GNAT2: variants seen among roughly 807,000 people sequenced by gnomAD.
GNAT2 encodes G protein subunit alpha transducin 2, also known as guanine nucleotide-binding protein G(t) subunit alpha-2.
A neutral mutation model predicts 40.9 loss-of-function variants in GNAT2; 32 were observed. The observed-to-expected ratio is 0.78, with a 90% CI of 0.59 to 1.05. The LOEUF (loss-of-function observed/expected upper bound fraction) is 1.05, where lower values mean the gene tolerates loss of function less well. Among genes scored for constraint, GNAT2 ranks in the 50% least tolerant of loss-of-function variants. The pLI is 0.00. For synonymous variants in GNAT2, 141 were observed against 157.2 expected, an observed-to-expected ratio of 0.90 and a Z score of 0.77; for missense variants, 355 against 431.5, an observed-to-expected ratio of 0.82 and a Z score of 1.57.
At position 109,612,820 on chromosome 1, in the gene GNAT2, C is replaced by A. The variant is rs760450896; in HGVS notation, c.51G>T (p.Lys17Asn). 18 of 1,613,654 alleles carry A rather than the reference C, an allele frequency of 1.1e-5. No homozygotes were observed. The highest frequency in any genetic ancestry group is 1.2e-5 in the Non-Finnish European group (14 of 1,179,692). Residue 17 changes from lysine (K) to asparagine (N), a missense_variant, in exon 2 of 9, where the codon AAG becomes AAT. Coordinates refer to ENST00000679935, the MANE Select transcript of GNAT2 (RefSeq NM_001377295.2). ...AEDKELAKRS[K>N]ELEKKLQEDA... is the part of the protein sequence containing the mutation. ...CCTCCTGCAGCTTCTTTTCTAGCTCCTTGGACCTCTTGGCCAGTTCTTTGT... is the reference window on the plus strand; with the variant it reads ...CCTCCTGCAGCTTCTTTTCTAGCTCATTGGACCTCTTGGCCAGTTCTTTGT...
intron 3 of GNAT2, 67 bp from the exon 4 acceptor site, chr1:109,610,248 G>T: frequency 6.5e-7 from 1 of 1,536,502 alleles, no homozygotes; most frequent in Non-Finnish European, 9.0e-7. Context: ...TTAGGAATTT[G>T]GGGGTATTTA....
At chr1:109,615,637 A>AAAG (rs1649933981) in intron 1 of GNAT2, 1 of 157,554 alleles carries the variant, frequency 6.3e-6, no homozygotes, top group Non-Finnish European at 1.4e-5. Flanking sequence ...AAAGAAAAGA[A>AAAG]AAGAAAAAGC....
At chr1:109,615,774 ACT>A (rs1216181514) in intron 1 of GNAT2, 2 of 152,378 alleles carry the variant, frequency 1.3e-5, no homozygotes, top group African/African-American at 4.8e-5. Flanking sequence ...ACAGAGTGAG[ACT>A]CTGTTTCAAA....
chr1:109,610,262 G>A (rs954610144), intron 3 of GNAT2, 81 bp from the exon 4 acceptor site: 2 of 1,470,710 alleles, frequency 1.4e-6, no homozygotes, highest in African/African-American at 2.8e-5. Flanking sequence ...GTATTTAAAG[G>A]ATCATAAGAA....
At chr1:109,604,398 T>A in intron 7 of GNAT2, 1 of 416,296 alleles carries the variant, frequency 2.4e-6, no homozygotes, top group South Asian at 2.2e-5. Context: ...ATATTGTCCA[T>A]GATAGTGGCT....
Position 109,606,500 on chromosome 1 carries a change from G to A in GNAT2, c.462-64C>T. The A allele has an allele frequency of 3.6e-6, 5 of 1,379,546 alleles. No individual in the cohort carries two copies. The Admixed American group carries it at 8.4e-5, about 23-fold the overall frequency. The allele number at this position is 1,379,546 out of a possible 1,614,324, so 85.5% of individuals were successfully genotyped here. On this transcript the variant is annotated intron_variant, in intron 5 of 8. Transcript: ENST00000679935. Reference sequence around the variant, plus strand: ...CAGACGAGGCTAAGAGACGTAAAAGGTATCTTACCCAAAGTCACACAGCTA... The same window carrying A: ...CAGACGAGGCTAAGAGACGTAAAAGATATCTTACCCAAAGTCACACAGCTA...
At position 109,603,941 on chromosome 1, in the gene GNAT2, T is replaced by C; in HGVS notation, c.874+10A>G. 3 of 1,585,884 alleles carry C rather than the reference T, an allele frequency of 1.9e-6. No homozygotes were observed. Among genetic ancestry groups the C allele is most frequent in the Non-Finnish European group, 2.6e-6 (3 of 1,155,228 alleles). On this transcript the variant is annotated intron_variant, in intron 8 of 8. Transcript: ENST00000679935. ...AGGCATTATTATTATTTCCAGCCCCTGACACTTACCATCATACTCTGGAAA... is the reference window on the plus strand; with the variant it reads ...AGGCATTATTATTATTTCCAGCCCCCGACACTTACCATCATACTCTGGAAA...
rs746231708 is a variant in GNAT2, at chr1:109,604,142, G to A, written c.721-38C>T. 5.2e-6 allele frequency: 8 copies of A among 1,546,938 alleles called. No homozygotes were observed. In the African/African-American group the frequency reaches 9.5e-5, roughly 18 times the overall value. ...AACACCATTGGAAATATCAGATTTGGCTTATAGAATATCTACCTACTTCCT... is the reference window on the plus strand; with the variant it reads ...AACACCATTGGAAATATCAGATTTGACTTATAGAATATCTACCTACTTCCT... On this transcript the variant is annotated intron_variant, in intron 7 of 8. Coordinates refer to ENST00000679935, the MANE Select transcript of GNAT2 (RefSeq NM_001377295.2).
intron 2 of GNAT2, chr1:109,612,467 G>C (rs539752944): frequency 1.9e-5 from 8 of 420,236 alleles, no homozygotes; most frequent in African/African-American, 1.6e-4. Context: ...GTTAGGTTTG[G>C]TTAGATTTGG....
chr1:109,608,786 A>G lies in GNAT2; in HGVS notation c.306T>C (p.Asp102=). 3.7e-6 allele frequency: 6 copies of G among 1,613,742 alleles called. No individual in the cohort carries two copies. The highest frequency in any genetic ancestry group is 5.1e-6 in the Non-Finnish European group (6 of 1,179,626). ...GIDYAEPSCA[D]DGRQLNNLAD... is the part of the protein sequence containing the mutation. ...CCAGGTTGTTGAGCTGTCGCCCGTC[A>G]TCCTGTAATGCAGAAACCTGGTTAA... The change falls in exon 5 of 9, where the codon GAT becomes GAC. Residue 102 remains aspartate (D), a splice_region_variant and synonymous_variant. Transcript: ENST00000679935.
chr1:109,609,344 G>A (rs1242474874), intron 4 of GNAT2: 1 of 180,668 alleles, frequency 5.5e-6, no homozygotes, highest in African/African-American at 2.4e-5. Flanking sequence ...TATAAAGTAG[G>A]GCTTGAGGAC....
chr1:109,604,077 A>C lies in GNAT2; in HGVS notation c.748T>G (p.Phe250Val). 1.2e-6 allele frequency: 2 copies of C among 1,612,058 alleles called. No homozygotes were observed. Among genetic ancestry groups the C allele is most frequent in the Non-Finnish European group, 1.7e-6 (2 of 1,178,208 alleles). Residue 250 changes from phenylalanine to valine, a missense_variant, in exon 8 of 9, where the codon TTC (phenylalanine) becomes GTC (valine). Phe to Val is a conservative substitution (Grantham distance 50). Transcript: ENST00000679935. ...VNRMHESLHL[F>V]NSICNHKFFA... ...AATTTGTGGTTACATATGCTGTTGA[A>C]CAGATGCAAAGACTCATGCATACGA... is the stretch of plus-strand genomic sequence containing the variant.
chr1:109,603,672 A>T (rs1335559927), intron 8 of GNAT2, 128 bp from the exon 9 acceptor site: 2 of 736,594 alleles, frequency 2.7e-6, no homozygotes, highest in Non-Finnish European at 4.9e-6. Context: ...CTATTTTTGG[A>T]GGGAAGATTC....
rs549976329 is a variant in GNAT2 at position 109,604,796 on chromosome 1, C to G, written c.721-692G>C. 3.9e-5 allele frequency: 6 copies of G among 154,328 alleles called. No individual in the cohort carries two copies. In the South Asian group the frequency reaches 1.0e-3, roughly 26 times the overall value. 9.6% of individuals were successfully genotyped at this position (154,328 alleles called of 1,614,324 possible). A position where few individuals can be genotyped will look rare whatever the true frequency, so the allele number is the denominator to read the frequency against. ...TTGAAGTATACTATCAGCTGACTTG[C>G]GTTCAGTCTACTTATCTAATAAAGC... On this transcript the variant is annotated intron_variant, in intron 7 of 8. Coordinates refer to ENST00000679935, the MANE Select transcript of GNAT2 (RefSeq NM_001377295.2).
chr1:109,610,938 A>G (rs1239592217), intron 2 of GNAT2: 2 of 263,638 alleles, frequency 7.6e-6, no homozygotes, highest in African/African-American at 4.5e-5. Flanking sequence ...GACTCAGGAG[A>G]GTGATCTTGG....
intron 5 of GNAT2, chr1:109,607,463 A>AAAAAAAAAAAAAAG (rs796928432): frequency 6.6e-6 from 1 of 151,638 alleles, no homozygotes; most frequent in African/African-American, 2.4e-5. Flanking sequence ...AAAAAAAAAA[A>AAAAAAAAAAAAAAG]GGCAAGAGGA....
At chr1:109,608,953 G>T (rs1342131863) in intron 4 of GNAT2, 165 bp from the exon 5 acceptor site, 13 of 695,748 alleles carry the variant, frequency 1.9e-5, no homozygotes, top group South Asian at 9.5e-5. Flanking sequence ...TTGAATTTTT[G>T]AGTATGCTCC....
At chr1:109,610,317 G>T (rs1012716853) in intron 3 of GNAT2, 136 bp from the exon 4 acceptor site, 2 of 1,216,706 alleles carry the variant, frequency 1.6e-6, no homozygotes, top group East Asian at 2.3e-5. Flanking sequence ...GGAGGGTGAG[G>T]GACAAGGGGT....
intron 7 of GNAT2, chr1:109,604,331 G>A (rs915233563): frequency 5.4e-6 from 3 of 558,308 alleles, no homozygotes; most frequent in African/African-American, 1.9e-5. Flanking sequence ...AGCTTTTTCT[G>A]AGTCTGTTTT....
Sources: allele counts gnomAD v4.1 joint callset, GRCh38; gene constraint gnomAD v4.1.1; transcripts MANE v1.5; gene names NCBI Gene and HGNC (gene_info 2026-07-23, HGNC 2026-07-21).